The following CUX1 variants were observed in gnomAD, a reference collection of about 807,000 sequenced individuals.
The protein encoded by CUX1 is cut like homeobox 1, also known as protein CASP.
CUX1 carries 31 observed loss-of-function variants against 158.8 expected under a neutral mutation model. The ratio of observed to expected loss-of-function variants is 0.20; its 90% CI spans 0.15 to 0.26. The LOEUF (loss-of-function observed/expected upper bound fraction) is 0.26, where lower values mean the gene tolerates loss of function less well. Ranked by LOEUF, CUX1 falls within the 10% of genes least tolerant of loss-of-function variation. The probability of loss-of-function intolerance (pLI) is 1.00; values close to 1 mark genes in which losing one functional copy is unlikely to be tolerated. For missense variants in CUX1, 1,589 were observed against 2,014.6 expected (o/e 0.79, Z 4.04); for synonymous variants, 879 against 862.1 (o/e 1.02, Z -0.34).
At chr7:102,008,595 G>T (rs1817650747) in intron 2 of CUX1, among the ~76,000 whole-genome samples, 1 of 152,244 alleles carries the variant, frequency 6.6e-6, no homozygotes, top group East Asian at 1.9e-4. Context: ...ATTGGGATAT[G>T]ACCAGTGTTC....
chr7:101,872,160 GTC>G lies in CUX1; in HGVS notation c.31-43947_31-43946del, dbSNP rs1334782684. Among the ~76,000 whole-genome samples, 4 of 152,152 alleles carry G rather than the reference GTC, an allele frequency of 2.6e-5. No individual in the cohort carries two copies. In the East Asian group the frequency reaches 5.8e-4, roughly 22 times the overall value. On this transcript the variant is annotated intron_variant, in intron 1 of 23. Coordinates refer to ENST00000292535, the MANE Select transcript of CUX1 (RefSeq NM_181552.4). The stretch of plus-strand genomic sequence containing the variant: ...TTTGTTTATTTATTTTTGAGACAGA[GTC>G]TCTCTCTGTTGCCCAGTTTGGAGTG...
At chr7:102,197,713 C>T (rs965370764) in intron 15 of CUX1, among the ~76,000 whole-genome samples, 5 of 152,060 alleles carry the variant, frequency 3.3e-5, no homozygotes, top group African/African-American at 1.2e-4. Flanking sequence ...TGACTGGGCT[C>T]GATCCTCATG....
chr7:102,132,306 T>TGC (rs1263646753), intron 8 of CUX1, among the ~76,000 whole-genome samples: 147 of 3,730 alleles, frequency 0.039, 2 homozygotes, highest in African/African-American at 0.13. Context: ...TGTGTGTGTG[T>TGC]GTGCGCGCGC....
chr7:102,254,846 G>T lies in CUX1; in HGVS notation c.*5804G>T. On this transcript the variant is annotated 3_prime_UTR_variant, in exon 24 of 24. Transcript: ENST00000292535. ...GGCACACTCGAACGCTAAGAGAATG[G>T]TCCAATTTGATGATCTTATTTCTAT... 2 of 985,456 alleles carry T rather than the reference G, an allele frequency of 2.0e-6. No homozygotes were observed. The highest frequency in any genetic ancestry group is 2.4e-6 in the Non-Finnish European group (2 of 829,952). The allele number at this position is 985,456 out of a possible 1,614,324, so 61.0% of individuals were successfully genotyped here. A position where few individuals can be genotyped will look rare whatever the true frequency, so the allele number is the denominator to read the frequency against.
intron 2 of CUX1, among the ~76,000 whole-genome samples, chr7:102,005,730 G>A (rs1817273957): frequency 6.6e-6 from 1 of 152,166 alleles, no homozygotes; most frequent in Non-Finnish European, 1.5e-5. Context: ...TCCACCTGCT[G>A]AGGCTGGGGC....
chr7:101,830,524 C>T (rs1033668779), intron 1 of CUX1, among the ~76,000 whole-genome samples: 1 of 152,176 alleles, frequency 6.6e-6, no homozygotes, highest in Non-Finnish European at 1.5e-5. Context: ...GGGATCATAG[C>T]TCTCTGCAAC....
At chr7:101,861,308 C>T (rs576584025) in intron 1 of CUX1, among the ~76,000 whole-genome samples, 2 of 152,198 alleles carry the variant, frequency 1.3e-5, no homozygotes, top group Non-Finnish European at 2.9e-5. Context: ...AGTGCAATGG[C>T]GTCTCTGCGT....
At chr7:101,859,618 C>G (rs114069251) in intron 1 of CUX1, among the ~76,000 whole-genome samples, 14 of 152,226 alleles carry the variant, frequency 9.2e-5, no homozygotes, top group African/African-American at 3.4e-4. Flanking sequence ...TTGGAAATAC[C>G]GTTTTTTGCC....
intron 8 of CUX1, among the ~76,000 whole-genome samples, chr7:102,141,784 A>T (rs1279467210): frequency 2.2e-5 from 3 of 137,632 alleles, no homozygotes; most frequent in African/African-American, 8.1e-5. Flanking sequence ...CACCACTCTC[A>T]GCTAATTTTT....
At chr7:102,124,657 CA>C (rs782456882) in intron 8 of CUX1, among the ~76,000 whole-genome samples, 2 of 152,082 alleles carry the variant, frequency 1.3e-5, no homozygotes, top group African/African-American at 2.4e-5. Flanking sequence ...TGGTGGTTAC[CA>C]GGGGGTGAGG....
At chr7:102,216,503 C>G (rs1297617) in intron 20 of CUX1, among the ~76,000 whole-genome samples, 1 of 136,368 alleles carries the variant, frequency 7.3e-6, no homozygotes. Flanking sequence ...AGAGGGCGTG[C>G]GTGTGTGCGC....
At chr7:102,037,139 C>CTG (rs1240635985) in intron 3 of CUX1, among the ~76,000 whole-genome samples, 6 of 152,140 alleles carry the variant, frequency 3.9e-5, no homozygotes, top group Non-Finnish European at 5.9e-5. Flanking sequence ...CTTCAGTGAG[C>CTG]TGTTGATCGC....
intron 3 of CUX1, among the ~76,000 whole-genome samples, chr7:102,039,521 A>G (rs1372931675): frequency 6.6e-6 from 1 of 152,030 alleles, no homozygotes; most frequent in East Asian, 1.9e-4. Context: ...CAAGTGCGGT[A>G]TCATACACCT....
chr7:102,124,371 A>G (rs1243357883), intron 8 of CUX1, among the ~76,000 whole-genome samples: 3 of 152,266 alleles, frequency 2.0e-5, no homozygotes, highest in South Asian at 4.1e-4. Flanking sequence ...TGTTGCAGGC[A>G]TACCTGCACT....
intron 1 of CUX1, among the ~76,000 whole-genome samples, chr7:101,846,006 T>TA (rs796757768): frequency 0.014 from 1,905 of 140,008 alleles, 27 homozygotes; most frequent in African/African-American, 0.047. Flanking sequence ...AGACTCCATC[T>TA]AAAAAAAAAA....
In CUX1 at chr7:102,252,763, T is replaced by C; in HGVS notation, c.*3721T>C. ...CCCCGAGCTCCCTGGTAACCTCCTC[T>C]TGAACTTCTGTATCAGTGAAGACAT... On this transcript the variant is annotated 3_prime_UTR_variant, in exon 24 of 24. Coordinates refer to ENST00000292535, the MANE Select transcript of CUX1 (RefSeq NM_181552.4). The C allele has an allele frequency of 4.1e-6, 4 of 985,572 alleles. No homozygotes were observed. Among genetic ancestry groups the C allele is most frequent in the Non-Finnish European group, 4.8e-6 (4 of 830,020 alleles). 61.1% of individuals were successfully genotyped at this position (985,572 alleles called of 1,614,324 possible). A position where few individuals can be genotyped will look rare whatever the true frequency, so the allele number is the denominator to read the frequency against.
intron 4 of CUX1, among the ~76,000 whole-genome samples, chr7:102,071,479 G>A (rs1027338328): frequency 6.6e-6 from 1 of 152,158 alleles, no homozygotes; most frequent in Admixed American, 6.6e-5. Flanking sequence ...CTGGAGAGAT[G>A]CTGATCAGAA....
At chr7:101,824,825 G>A (rs1793074425) in intron 1 of CUX1, 1 of 152,138 alleles carries the variant, frequency 6.6e-6, no homozygotes, top group African/African-American at 2.4e-5. Context: ...TAAAATTCTC[G>A]CTGGAGGGAA....
intron 13 of CUX1, 161 bp downstream of exon 13, chr7:102,194,051 C>CT (rs74812169): frequency 0.049 from 26,487 of 537,468 alleles, 5 homozygotes; most frequent in South Asian, 0.063. Flanking sequence ...AGCAAATTAT[C>CT]TTTTTTTTTT....
Sources: allele counts gnomAD v4.1 joint callset (sites outside exome capture counted in the v4.1 genomes callset), GRCh38; gene constraint gnomAD v4.1.1; transcripts MANE v1.5; gene names NCBI Gene and HGNC (gene_info 2026-07-23, HGNC 2026-07-21).